CSMD3: variants seen among roughly 807,000 people sequenced by gnomAD.
CSMD3 encodes CUB and Sushi multiple domains 3.
CSMD3 carries 177 observed loss-of-function variants against 435.2 expected under a neutral mutation model. The observed-to-expected ratio is 0.41, with a 90% CI of 0.36 to 0.46. The LOEUF (loss-of-function observed/expected upper bound fraction) is 0.46, where lower values mean the gene tolerates loss of function less well. Ranked by LOEUF, CSMD3 falls within the 20% of genes least tolerant of loss-of-function variation. The pLI is 0.34. For synonymous variants in CSMD3, 1,656 were observed against 1,520.5 expected, an observed-to-expected ratio of 1.09 and a Z score of -2.07; for missense variants, 4,265 against 4,504.6, an observed-to-expected ratio of 0.95 and a Z score of 1.52.
chr8:113,108,165 C>T (rs1484537871), intron 4 of CSMD3, among the ~76,000 whole-genome samples: 2 of 152,112 alleles, frequency 1.3e-5, no homozygotes, highest in Non-Finnish European at 2.9e-5. Flanking sequence ...GATGGTGGCT[C>T]ACACCTGTAA....
intron 9 of CSMD3, among the ~76,000 whole-genome samples, chr8:112,938,042 G>A (rs368486656): frequency 1.5e-4 from 22 of 151,266 alleles, no homozygotes; most frequent in Non-Finnish European, 2.5e-4. Context: ...GAGAAGCCAG[G>A]GGGGAAAAGC....
intron 3 of CSMD3, among the ~76,000 whole-genome samples, chr8:113,186,512 C>T (rs1014657363): frequency 1.3e-5 from 2 of 152,026 alleles, no homozygotes; most frequent in Non-Finnish European, 2.9e-5. Context: ...GTTTATAGGA[C>T]GCTTTCCCAT....
chr8:112,432,036 C>A (rs1813767451), intron 32 of CSMD3, among the ~76,000 whole-genome samples: 1 of 151,926 alleles, frequency 6.6e-6, no homozygotes, highest in South Asian at 2.1e-4. Flanking sequence ...CCCATTCTCT[C>A]ATCTTTTGAT....
intron 17 of CSMD3, among the ~76,000 whole-genome samples, chr8:112,661,723 A>G (rs1364565789): frequency 6.6e-6 from 1 of 152,178 alleles, no homozygotes; most frequent in Admixed American, 6.6e-5. Flanking sequence ...ATAAGAGAAT[A>G]AAAGAAAATG....
intron 32 of CSMD3, among the ~76,000 whole-genome samples, chr8:112,459,775 T>C (rs1817256908): frequency 6.6e-6 from 1 of 152,188 alleles, no homozygotes. Flanking sequence ...ATCTGGTCTC[T>C]GCCTTCTTTA....
intron 27 of CSMD3, among the ~76,000 whole-genome samples, chr8:112,521,141 T>C (rs568230866): frequency 6.6e-6 from 1 of 152,126 alleles, no homozygotes; most frequent in East Asian, 1.9e-4. Context: ...CAGCATGTAA[T>C]TGTGGCTTCT....
chr8:113,243,188 A>T (rs1489339338), intron 3 of CSMD3, among the ~76,000 whole-genome samples: 2 of 151,960 alleles, frequency 1.3e-5, no homozygotes, highest in Admixed American at 6.6e-5. Flanking sequence ...AAAAAACTGC[A>T]TTTGGTGTAA....
intron 12 of CSMD3, among the ~76,000 whole-genome samples, chr8:112,809,974 G>A (rs1034707296): frequency 2.0e-5 from 3 of 152,068 alleles, no homozygotes; most frequent in East Asian, 1.9e-4. Flanking sequence ...CAATTGAAAC[G>A]CAGATGGTCT....
In CSMD3 at chr8:112,525,056, T is replaced by C. The variant is rs913159147; in HGVS notation, c.4565-7831A>G. ...TCATCATAAGCCATACTATTTTTAA[T>C]TGAGAAAATTTCCTCTTTGTAAGTG... On this transcript the variant is annotated intron_variant, in intron 27 of 70. Transcript: ENST00000297405. Among the ~76,000 whole-genome samples, 16 of 151,962 alleles carry C rather than the reference T, an allele frequency of 1.1e-4. No individual in the cohort carries two copies. In the South Asian group the frequency reaches 1.2e-3, roughly 12 times the overall value.
At chr8:112,545,791 A>G (rs1827133673) in intron 27 of CSMD3, among the ~76,000 whole-genome samples, 1 of 152,090 alleles carries the variant, frequency 6.6e-6, no homozygotes, top group African/African-American at 2.4e-5. Flanking sequence ...CAAAGCGGGG[A>G]TCTAATAAAT....
chr8:113,283,615 G>A (rs993123765), intron 2 of CSMD3, among the ~76,000 whole-genome samples: 1 of 151,948 alleles, frequency 6.6e-6, no homozygotes, highest in Non-Finnish European at 1.5e-5. Flanking sequence ...CAGAGAACAC[G>A]TCTACACTAC....
At chr8:112,808,206 G>A (rs1251291088) in intron 12 of CSMD3, among the ~76,000 whole-genome samples, 1 of 152,262 alleles carries the variant, frequency 6.6e-6, no homozygotes, top group Admixed American at 6.5e-5. Flanking sequence ...TCTAGTTATA[G>A]TATATATGAT....
rs182560782 is a variant in CSMD3, at chr8:112,873,711, T to C, written c.1634-14445A>G. 2.4e-3 allele frequency among the ~76,000 whole-genome samples: 370 copies of C among 152,222 alleles called. 1 individual carries two copies. The highest frequency in any genetic ancestry group is 8.5e-3 in the African/African-American group (353 of 41,572). Reference sequence around the variant, plus strand: ...TAGTTTATTTGTGTAGAGGATTTTATAGTATTCTCTGATGGTAGTTTGTAT... The same window carrying C: ...TAGTTTATTTGTGTAGAGGATTTTACAGTATTCTCTGATGGTAGTTTGTAT... On this transcript the variant is annotated intron_variant, in intron 10 of 70. Transcript: ENST00000297405.
At chr8:112,849,961 C>T (rs2080438073) in intron 11 of CSMD3, among the ~76,000 whole-genome samples, 1 of 151,926 alleles carries the variant, frequency 6.6e-6, no homozygotes, top group Non-Finnish European at 1.5e-5. Context: ...AAATTGTAGC[C>T]TTTGGCAAAT....
chr8:113,018,829 T>C (rs1443238162), intron 6 of CSMD3: 8 of 519,446 alleles, frequency 1.5e-5, no homozygotes, highest in East Asian at 3.3e-5. Context: ...ATCTGCTACA[T>C]ACTACCTTTT....
chr8:112,790,610 A>G (rs1216971124), intron 13 of CSMD3, among the ~76,000 whole-genome samples: 1 of 152,078 alleles, frequency 6.6e-6, no homozygotes, highest in African/African-American at 2.4e-5. Flanking sequence ...AATTTCCCCT[A>G]TCGTAATCTC....
chr8:112,677,367 T>C (rs1361496250), intron 16 of CSMD3, among the ~76,000 whole-genome samples: 2 of 150,996 alleles, frequency 1.3e-5, no homozygotes, highest in Non-Finnish European at 3.0e-5. Context: ...CCTAGAAAGG[T>C]ATTTGAGAAG....
At chr8:112,999,906 T>C (rs1346113740) in intron 6 of CSMD3, among the ~76,000 whole-genome samples, 1 of 151,918 alleles carries the variant, frequency 6.6e-6, no homozygotes, top group Non-Finnish European at 1.5e-5. Context: ...GTGAGGAAGA[T>C]GTTAAATTTG....
intron 3 of CSMD3, among the ~76,000 whole-genome samples, chr8:113,262,163 T>C (rs1441305448): frequency 1.3e-5 from 2 of 152,038 alleles, no homozygotes; most frequent in African/African-American, 4.8e-5. Context: ...AAGCATAATA[T>C]ATGATTATGA....
Sources: allele counts gnomAD v4.1 joint callset (sites outside exome capture counted in the v4.1 genomes callset), GRCh38; gene constraint gnomAD v4.1.1; transcripts MANE v1.5; gene names NCBI Gene and HGNC (gene_info 2026-07-23, HGNC 2026-07-21).